Variants in YAP1 observed in about 807,000 individuals in gnomAD.
The protein encoded by YAP1 is transcriptional coactivator YAP1.
In YAP1, 5 loss-of-function variants were observed where a neutral mutation model predicts 56.9. That is an observed-to-expected ratio of 0.09 (90% CI 0.05 to 0.18). YAP1 has a LOEUF of 0.18. YAP1 is among the 10% of genes least tolerant of loss of function. The probability of loss-of-function intolerance (pLI) is 1.00; values close to 1 mark genes in which losing one functional copy is unlikely to be tolerated. For missense variants in YAP1, 539 were observed against 651.8 expected, an observed-to-expected ratio of 0.83 and a Z score of 1.88; for synonymous variants, 265 against 248.1, an observed-to-expected ratio of 1.07 and a Z score of -0.64.
chr11:102,216,682 A>G (rs774053232), intron 6 of YAP1, among the ~76,000 whole-genome samples: 1 of 152,176 alleles, frequency 6.6e-6, no homozygotes, highest in Admixed American at 6.5e-5. Flanking sequence ...GTCTATCTCT[A>G]AGAAGTTTTT....
chr11:102,194,264 T>G (rs1227459112), intron 4 of YAP1, among the ~76,000 whole-genome samples: 1 of 152,208 alleles, frequency 6.6e-6, no homozygotes, highest in Non-Finnish European at 1.5e-5. Flanking sequence ...AAGAAAGAGA[T>G]TATAGAATTA....
At chr11:102,214,820 A>G (rs1949580692) in intron 6 of YAP1, among the ~76,000 whole-genome samples, 1 of 152,212 alleles carries the variant, frequency 6.6e-6, no homozygotes, top group South Asian at 2.1e-4. Flanking sequence ...TGAGACCATG[A>G]TTGAGTAATA....
intron 3 of YAP1, among the ~76,000 whole-genome samples, chr11:102,164,450 T>A (rs1250144127): frequency 6.6e-6 from 1 of 152,232 alleles, no homozygotes; most frequent in Non-Finnish European, 1.5e-5. Flanking sequence ...GCCCTGTATT[T>A]ATGGTTAAAC....
intron 2 of YAP1, among the ~76,000 whole-genome samples, chr11:102,146,701 T>C (rs1398653057): frequency 6.6e-6 from 1 of 152,196 alleles, no homozygotes; most frequent in Non-Finnish European, 1.5e-5. Context: ...ACCTCTGAAA[T>C]TAGGGTACTT....
chr11:102,139,874 T>C (rs1378993741), intron 2 of YAP1, among the ~76,000 whole-genome samples: 1 of 151,890 alleles, frequency 6.6e-6, no homozygotes, highest in Non-Finnish European at 1.5e-5. Flanking sequence ...TTTGTGAGCT[T>C]TTTTTTTAAA....
intron 4 of YAP1, among the ~76,000 whole-genome samples, chr11:102,203,897 A>G (rs897118499): frequency 1.3e-5 from 2 of 152,222 alleles, no homozygotes; most frequent in South Asian, 2.1e-4. Context: ...GTTCAATTCA[A>G]AAGTTAGAAA....
chr11:102,180,845 A>T (rs1336553635), intron 3 of YAP1, among the ~76,000 whole-genome samples: 5 of 151,818 alleles, frequency 3.3e-5, no homozygotes, highest in Admixed American at 3.3e-4. Flanking sequence ...TTCGAAGCTA[A>T]ATGGCCAGTA....
chr11:102,112,908 G>T (rs777003342), intron 1 of YAP1, among the ~76,000 whole-genome samples: 9 of 152,150 alleles, frequency 5.9e-5, no homozygotes, highest in Admixed American at 1.3e-4. Flanking sequence ...TTACAACTGG[G>T]AAGTGTACTT....
rs146101108 is a variant in YAP1 at position 102,114,760 on chromosome 11, C to T, written c.572+366C>T. On this transcript the variant is annotated intron_variant, in intron 2 of 8. Coordinates refer to ENST00000282441, the MANE Select transcript of YAP1 (RefSeq NM_001130145.3). Reference sequence around the variant, plus strand: ...ATTCTGGGAATTACAGGGCTAGCAGCGTCTTACAAAATACGTATGGTGCTA... The same window carrying T: ...ATTCTGGGAATTACAGGGCTAGCAGTGTCTTACAAAATACGTATGGTGCTA... Among the ~76,000 whole-genome samples the T allele has an allele frequency of 4.3e-4, 66 of 152,176 alleles. 1 individual carries two copies. The East Asian group carries it at 0.012, about 28-fold the overall frequency.
intron 3 of YAP1, among the ~76,000 whole-genome samples, chr11:102,182,852 G>A (rs190883627): frequency 6.6e-6 from 1 of 152,260 alleles, no homozygotes; most frequent in Admixed American, 6.5e-5. Flanking sequence ...AAGATAAAAT[G>A]AATATAAAGT....
chr11:102,146,302 C>T (rs755078362), intron 2 of YAP1, among the ~76,000 whole-genome samples: 1 of 152,136 alleles, frequency 6.6e-6, no homozygotes, highest in African/African-American at 2.4e-5. Flanking sequence ...GGGTTACAGG[C>T]GTGAGCCACC....
rs376605984 is a variant in YAP1 at position 102,130,397 on chromosome 11, A to ATGAT, written c.572+16027_572+16030dup. 7.9e-3 allele frequency among the ~76,000 whole-genome samples: 1,197 copies of ATGAT among 152,144 alleles called. 17 individuals are homozygous for ATGAT. The highest frequency in any genetic ancestry group is 0.025 in the African/African-American group (1,055 of 41,496). ...AAAATTTCCCAAGCTCTCCCGGATAATGATTGATTGATTGATTGATTGATT... is the reference window on the plus strand; with the variant it reads ...AAAATTTCCCAAGCTCTCCCGGATAATGATTGATTGATTGATTGATTGATTGATT... On this transcript the variant is annotated intron_variant, in intron 2 of 8. Transcript: ENST00000282441.
In YAP1 at chr11:102,174,582, C is replaced by CA. The variant is rs1206472905; in HGVS notation, c.689-11423dup. Among the ~76,000 whole-genome samples, 974 of 139,716 alleles carry CA rather than the reference C, an allele frequency of 7.0e-3. 2 individuals are homozygous for CA. The highest frequency in any genetic ancestry group is 9.8e-3 in the Non-Finnish European group (627 of 63,916). The allele number at this position is 139,716 out of a possible 152,430, so 91.7% of individuals were successfully genotyped here. ...CTGGTGACAGAGCGAGACTCCATCT[C>CA]AAAAAAAAAAAAATCTATTATTTGT... On this transcript the variant is annotated intron_variant, in intron 3 of 8. Transcript: ENST00000282441.
chr11:102,170,059 G>A (rs1946820491), intron 3 of YAP1, among the ~76,000 whole-genome samples: 1 of 152,146 alleles, frequency 6.6e-6, no homozygotes, highest in Admixed American at 6.5e-5. Flanking sequence ...GTTAAACCCA[G>A]TGATGGCTGA....
chr11:102,184,848 C>T (rs1007705023), intron 3 of YAP1, among the ~76,000 whole-genome samples: 1 of 152,194 alleles, frequency 6.6e-6, no homozygotes, highest in African/African-American at 2.4e-5. Flanking sequence ...TTAGGAATCA[C>T]GCTGCCTGGC....
intron 2 of YAP1, among the ~76,000 whole-genome samples, chr11:102,160,584 TATC>T (rs1305993007): frequency 6.6e-6 from 1 of 152,204 alleles, no homozygotes; most frequent in African/African-American, 2.4e-5. Context: ...GTAGCAAACT[TATC>T]ATTTTAGAAA....
intron 2 of YAP1, among the ~76,000 whole-genome samples, chr11:102,142,198 T>C (rs1317974251): frequency 7.4e-6 from 1 of 135,864 alleles, no homozygotes; most frequent in African/African-American, 2.8e-5. Flanking sequence ...GAATAAAAGC[T>C]CTAACAGTGA....
chr11:102,132,555 A>G (rs1944426279), intron 2 of YAP1, among the ~76,000 whole-genome samples: 1 of 152,202 alleles, frequency 6.6e-6, no homozygotes, highest in Non-Finnish European at 1.5e-5. Context: ...TGTTAACTAT[A>G]ATTGTATCCT....
intron 2 of YAP1, among the ~76,000 whole-genome samples, chr11:102,148,619 A>G (rs1258722315): frequency 2.0e-5 from 3 of 152,200 alleles, no homozygotes; most frequent in Non-Finnish European, 2.9e-5. Context: ...CACTAGAATC[A>G]TTATAAAGTA....
Sources: allele counts gnomAD v4.1 joint callset (sites outside exome capture counted in the v4.1 genomes callset), GRCh38; gene constraint gnomAD v4.1.1; transcripts MANE v1.5; gene names NCBI Gene and HGNC (gene_info 2026-07-23, HGNC 2026-07-21).